Variants in KIRREL3 observed in about 807,000 individuals in gnomAD.
KIRREL3 encodes the protein kirre like nephrin family adhesion molecule 3.
KIRREL3 carries 36 observed loss-of-function variants against 89.7 expected under a neutral mutation model. The observed-to-expected ratio is 0.40, with a 90% CI of 0.31 to 0.53. The LOEUF is 0.53. Ranked by LOEUF, KIRREL3 falls within the 20% of genes least tolerant of loss-of-function variation. The pLI is 0.49. For synonymous variants in KIRREL3, 445 were observed against 441.4 expected (o/e 1.01, Z -0.10); for missense variants, 864 against 1,056.6 (o/e 0.82, Z 2.53).
At chr11:126,658,931 C>T (rs1945274563) in intron 1 of KIRREL3, among the ~76,000 whole-genome samples, 1 of 152,190 alleles carries the variant, frequency 6.6e-6, no homozygotes, top group Admixed American at 6.5e-5. Context: ...TCCAAAGTGA[C>T]AACCCCATTT....
At chr11:126,532,063 T>G (rs1404002124) in intron 2 of KIRREL3, among the ~76,000 whole-genome samples, 1 of 152,234 alleles carries the variant, frequency 6.6e-6, no homozygotes, top group Non-Finnish European at 1.5e-5. Context: ...AAAAAATAAC[T>G]GCTGTTCATG....
intron 10 of KIRREL3, among the ~76,000 whole-genome samples, chr11:126,442,353 C>CAAAA (rs917826617): frequency 7.0e-5 from 8 of 113,598 alleles, no homozygotes; most frequent in African/African-American, 2.5e-4. Flanking sequence ...CACACACACA[C>CAAAA]AAAACCTTTT....
In KIRREL3 at chr11:126,923,187, CTCTTCT is replaced by C. The variant is rs1209221075; in HGVS notation, c.55+77262_55+77267del. On this transcript the variant is annotated intron_variant, in intron 1 of 16. Coordinates refer to ENST00000525144, the MANE Select transcript of KIRREL3 (RefSeq NM_032531.4). ...TTCTTCTTCTTCTTCTCTTCTTCTT[CTCTTCT>C]TCTTCTTCTTCTTCTTCTTCTTCTT... is the stretch of plus-strand genomic sequence containing the variant. 1.9e-3 allele frequency among the ~76,000 whole-genome samples: 46 copies of C among 23,816 alleles called. 2 individuals are homozygous for C. Among genetic ancestry groups the C allele is most frequent in the East Asian group, 3.4e-3 (4 of 1,164 alleles). 15.6% of individuals were successfully genotyped at this position (23,816 alleles called of 152,430 possible). A position where few individuals can be genotyped will look rare whatever the true frequency, so the allele number is the denominator to read the frequency against.
chr11:126,816,378 G>A (rs1283221183), intron 1 of KIRREL3, among the ~76,000 whole-genome samples: 1 of 152,198 alleles, frequency 6.6e-6, no homozygotes, highest in African/African-American at 2.4e-5. Flanking sequence ...CTGAAGTTGA[G>A]TGAAGATTCC....
intron 1 of KIRREL3, among the ~76,000 whole-genome samples, chr11:126,792,343 G>A (rs1950670715): frequency 1.3e-5 from 2 of 152,180 alleles, no homozygotes; most frequent in Non-Finnish European, 1.5e-5. Context: ...TTATGAGATA[G>A]GTCCTATTAT....
At chr11:126,881,855 C>T (rs1288545061) in intron 1 of KIRREL3, among the ~76,000 whole-genome samples, 1 of 152,140 alleles carries the variant, frequency 6.6e-6, no homozygotes, top group East Asian at 1.9e-4. Flanking sequence ...GCCAATGCAA[C>T]TTTAAAAAAC....
rs938664795 is a variant in KIRREL3 at position 126,445,255 on chromosome 11, A to T, written c.1126-150T>A. On this transcript the variant is annotated intron_variant, in intron 9 of 16. Transcript: ENST00000525144. Reference sequence around the variant, plus strand: ...GCAAGGTGGGGAGGAAAGAGGCCAAAAGTTTCCTGGCCCAGACAATGCCTG... The same window carrying T: ...GCAAGGTGGGGAGGAAAGAGGCCAATAGTTTCCTGGCCCAGACAATGCCTG... 5.0e-6 allele frequency: 5 copies of T among 995,398 alleles called. No individual in the cohort carries two copies. In the African/African-American group the frequency reaches 8.0e-5, roughly 16 times the overall value. The allele number at this position is 995,398 out of a possible 1,614,324, so 61.7% of individuals were successfully genotyped here.
At position 126,797,513 on chromosome 11, in the gene KIRREL3, A is replaced by G. The variant is rs1950852176; in HGVS notation, c.55+202942T>C. Among the ~76,000 whole-genome samples, 1 of 152,108 alleles carries G rather than the reference A, an allele frequency of 6.6e-6. No individual in the cohort carries two copies. The highest frequency in any genetic ancestry group is 2.1e-4 in the South Asian group (1 of 4,828). ...GCTAAACTGTCCACACCCTTCTCCCATGGTGATCCCCAGAAGAAGCTCTGA... is the reference window on the plus strand; with the variant it reads ...GCTAAACTGTCCACACCCTTCTCCCGTGGTGATCCCCAGAAGAAGCTCTGA... On this transcript the variant is annotated intron_variant, in intron 1 of 16. Coordinates refer to ENST00000525144, the MANE Select transcript of KIRREL3 (RefSeq NM_032531.4). The surrounding 1 kb of genome is among the most constrained non-coding windows in gnomAD (Gnocchi z 4.9).
chr11:126,593,057 G>A (rs575556661), intron 1 of KIRREL3, among the ~76,000 whole-genome samples: 3 of 152,280 alleles, frequency 2.0e-5, no homozygotes, highest in South Asian at 2.1e-4. Context: ...CTCCCACCCC[G>A]TCAGCCGACT....
chr11:126,951,440 G>A (rs1189630138), intron 1 of KIRREL3, among the ~76,000 whole-genome samples: 7 of 152,126 alleles, frequency 4.6e-5, no homozygotes, highest in East Asian at 1.9e-4. Context: ...AGGACACACC[G>A]TAGATGCTCA....
At chr11:126,878,692 A>C (rs1319374744) in intron 1 of KIRREL3, among the ~76,000 whole-genome samples, 2 of 152,210 alleles carry the variant, frequency 1.3e-5, no homozygotes, top group East Asian at 3.8e-4. Context: ...TTTGAGGCAC[A>C]GATGAAAAAT....
chr11:126,545,255 G>T (rs955874846), intron 2 of KIRREL3, among the ~76,000 whole-genome samples: 1 of 152,186 alleles, frequency 6.6e-6, no homozygotes, highest in African/African-American at 2.4e-5. Flanking sequence ...AGAGATAGTG[G>T]TGTCCTCGTG....
In KIRREL3 at chr11:126,470,567, C is replaced by T. The variant is rs181576137; in HGVS notation, c.591+2742G>A. ...TGGGGACGGGCCTGCCTCACATCCT[C>T]GGATGACCAAGGCCCTGCTTATCTT... On this transcript the variant is annotated intron_variant, in intron 5 of 16. Coordinates refer to ENST00000525144, the MANE Select transcript of KIRREL3 (RefSeq NM_032531.4). Among the ~76,000 whole-genome samples the T allele has an allele frequency of 7.7e-4, 118 of 152,334 alleles. 1 individual carries two copies. Among genetic ancestry groups the T allele is most frequent in the African/African-American group, 2.3e-3 (95 of 41,564 alleles).
At chr11:126,453,048 CT>C (rs764794896) in intron 7 of KIRREL3, among the ~76,000 whole-genome samples, 8 of 150,794 alleles carry the variant, frequency 5.3e-5, no homozygotes, top group Non-Finnish European at 1.0e-4. Flanking sequence ...GTCTCCTCCC[CT>C]CTCCCCACCC....
At chr11:126,613,213 A>G (rs532072626) in intron 1 of KIRREL3, among the ~76,000 whole-genome samples, 1 of 152,218 alleles carries the variant, frequency 6.6e-6, no homozygotes, top group African/African-American at 2.4e-5. Flanking sequence ...GTGAATATAC[A>G]TCATTTCAGG....
intron 2 of KIRREL3, among the ~76,000 whole-genome samples, chr11:126,532,709 A>T (rs1243811237): frequency 2.6e-5 from 4 of 152,082 alleles, no homozygotes; most frequent in African/African-American, 9.7e-5. Context: ...AGATCTTTAG[A>T]ATGAAAAGTG....
rs896309642 is a variant in KIRREL3, at chr11:126,953,125, C to T, written c.55+47330G>A. On this transcript the variant is annotated intron_variant, in intron 1 of 16. Transcript: ENST00000525144. This position sits in a 1 kb window ranked among gnomAD's most constrained non-coding sequence, Gnocchi z 5.2. ...TAGACTGAATAAAGAAAATGTGGCA[C>T]ATATACACCATGGAATTCTATGCAG... Among the ~76,000 whole-genome samples the T allele has an allele frequency of 1.3e-5, 2 of 152,198 alleles. No individual in the cohort carries two copies. Among genetic ancestry groups the T allele is most frequent in the Admixed American group, 6.5e-5 (1 of 15,280 alleles).
At position 126,909,245 on chromosome 11, in the gene KIRREL3, G is replaced by A. The variant is rs1330905023; in HGVS notation, c.55+91210C>T. 6.6e-6 allele frequency among the ~76,000 whole-genome samples: 1 copy of A among 152,124 alleles called. No homozygotes were observed. Among genetic ancestry groups the A allele is most frequent in the Non-Finnish European group, 1.5e-5 (1 of 68,034 alleles). On this transcript the variant is annotated intron_variant, in intron 1 of 16. Coordinates refer to ENST00000525144, the MANE Select transcript of KIRREL3 (RefSeq NM_032531.4). The surrounding 1 kb of genome is among the most constrained non-coding windows in gnomAD (Gnocchi z 4.5). ...GGGTCGGAGAGGGAGGAGTTCATGG[G>A]AGGTGTGGCACTAAAACCCAGGCTC...
intron 1 of KIRREL3, among the ~76,000 whole-genome samples, chr11:126,907,275 T>C (rs1242812225): frequency 1.3e-5 from 2 of 152,232 alleles, no homozygotes; most frequent in African/African-American, 2.4e-5. Flanking sequence ...CTGAACACGA[T>C]GTGGAACCTA....
Sources: allele counts gnomAD v4.1 joint callset (sites outside exome capture counted in the v4.1 genomes callset), GRCh38; gene constraint gnomAD v4.1.1; non-coding constraint Gnocchi (gnomAD v3.1); transcripts MANE v1.5; gene names NCBI Gene and HGNC (gene_info 2026-07-23, HGNC 2026-07-21).